Variants in RIOK3 observed in about 807,000 individuals in gnomAD.
RIOK3 encodes the protein RIO kinase 3.
Under a neutral mutation model 63.5 loss-of-function variants are expected in RIOK3, and 40 were observed. The ratio of observed to expected loss-of-function variants is 0.63; its 90% CI spans 0.49 to 0.82. RIOK3 has a LOEUF of 0.82. Among genes scored for constraint, RIOK3 ranks in the 40% least tolerant of loss-of-function variants. The pLI, the probability that RIOK3 is intolerant of heterozygous loss-of-function variation, is 0.00. For missense variants in RIOK3, 557 were observed against 637.0 expected, an observed-to-expected ratio of 0.87 and a Z score of 1.35; for synonymous variants, 193 against 205.0, an observed-to-expected ratio of 0.94 and a Z score of 0.50.
intron 1 of RIOK3, among the ~76,000 whole-genome samples, chr18:23,458,379 A>G (rs1454479161): frequency 6.6e-6 from 1 of 152,152 alleles, no homozygotes; most frequent in Non-Finnish European, 1.5e-5. Context: ...GAAGAACCCC[A>G]AGGAACAGAG....
intron 9 of RIOK3, 119 bp from the exon 10 acceptor site, chr18:23,476,886 TG>T: frequency 1.4e-6 from 1 of 735,308 alleles, no homozygotes; most frequent in Non-Finnish European, 2.2e-6. Flanking sequence ...CACTCCAGCC[TG>T]GGCGACAGAG....
chr18:23,468,316 T>C (rs1178288101), intron 7 of RIOK3, among the ~76,000 whole-genome samples: 2 of 147,090 alleles, frequency 1.4e-5, no homozygotes, highest in Non-Finnish European at 3.0e-5. Flanking sequence ...TTTTTTTTTT[T>C]TGGGAGATGG....
chr18:23,479,702 G>A (rs2057518642), intron 12 of RIOK3, among the ~76,000 whole-genome samples: 1 of 151,772 alleles, frequency 6.6e-6, no homozygotes, highest in South Asian at 2.1e-4. Flanking sequence ...TCAGCCTCCT[G>A]AGTAGCTGGG....
chr18:23,473,477 C>A lies in RIOK3; in HGVS notation c.864C>A (p.Ala288=). The A allele has an allele frequency of 6.2e-7, 1 of 1,611,704 alleles. No individual in the cohort carries two copies. Among genetic ancestry groups the A allele is most frequent in the South Asian group, 1.1e-5 (1 of 90,904 alleles). ...EDSKVIPTEC[A]IKVFKTTLNE... is the part of the protein sequence containing the mutation. ...GTAAAGTTATACCTACAGAATGTGCCATCAAGGTATTTAAAACAACCCTTA... is the reference window on the plus strand; with the variant it reads ...GTAAAGTTATACCTACAGAATGTGCAATCAAGGTATTTAAAACAACCCTTA... The change falls in exon 8 of 13, where the codon GCC becomes GCA. Residue 288 remains alanine, a synonymous_variant. Transcript: ENST00000339486.
intron 7 of RIOK3, among the ~76,000 whole-genome samples, chr18:23,471,061 A>G (rs1049249838): frequency 1.3e-5 from 2 of 152,248 alleles, no homozygotes; most frequent in Non-Finnish European, 2.9e-5. Flanking sequence ...TACTAGGGAT[A>G]CAGCAATGAA....
intron 6 of RIOK3, among the ~76,000 whole-genome samples, chr18:23,466,689 TAAAAAAAAAAA>T (rs33997769): frequency 8.7e-5 from 9 of 102,916 alleles, no homozygotes; most frequent in African/African-American, 2.6e-4. Context: ...GACCCTGCCT[TAAAAAAAAAAA>T]AAAAAAAAAA....
chr18:23,473,856 T>A lies in RIOK3; in HGVS notation c.1013+230T>A, dbSNP rs373769500. Among the ~76,000 whole-genome samples, 36 of 152,360 alleles carry A rather than the reference T, an allele frequency of 2.4e-4. No homozygotes were observed. In the South Asian group the frequency reaches 4.8e-3, roughly 20 times the overall value. Reference sequence around the variant, plus strand: ...TTAGACACTTTATCATATATCTAAATGCCATTTTTAAATTGCTTTTATCAC... The same window carrying A: ...TTAGACACTTTATCATATATCTAAAAGCCATTTTTAAATTGCTTTTATCAC... On this transcript the variant is annotated intron_variant, in intron 8 of 12. Coordinates refer to ENST00000339486, the MANE Select transcript of RIOK3 (RefSeq NM_003831.5).
intron 1 of RIOK3, among the ~76,000 whole-genome samples, chr18:23,455,568 T>A (rs1160020820): frequency 1.3e-5 from 2 of 151,656 alleles, no homozygotes; most frequent in African/African-American, 4.8e-5. Flanking sequence ...ATTTTTTGTA[T>A]TTTTAGTAGA....
intron 7 of RIOK3, among the ~76,000 whole-genome samples, chr18:23,473,141 A>G (rs892238734): frequency 6.6e-6 from 1 of 152,212 alleles, no homozygotes; most frequent in Admixed American, 6.5e-5. Context: ...TTTCAAGTGC[A>G]TATGTCTTCA....
chr18:23,471,745 T>C (rs1473513968), intron 7 of RIOK3, among the ~76,000 whole-genome samples: 1 of 152,058 alleles, frequency 6.6e-6, no homozygotes, highest in East Asian at 1.9e-4. Flanking sequence ...GAGGATAGAT[T>C]CTGGGCTAGA....
chr18:23,455,343 G>T (rs913428197), intron 1 of RIOK3, among the ~76,000 whole-genome samples: 3 of 151,298 alleles, frequency 2.0e-5, no homozygotes, highest in African/African-American at 7.3e-5. Context: ...ACACTGCTGG[G>T]ATTACAGGCG....
intron 1 of RIOK3, among the ~76,000 whole-genome samples, chr18:23,462,432 C>T (rs975547800): frequency 3.9e-5 from 6 of 152,184 alleles, no homozygotes; most frequent in Non-Finnish European, 1.5e-5. Flanking sequence ...CGCGCCACCG[C>T]GCCTGGCCTG....
intron 1 of RIOK3, 133 bp downstream of exon 1, chr18:23,453,635 C>T: frequency 1.3e-6 from 1 of 772,820 alleles, no homozygotes; most frequent in Non-Finnish European, 2.2e-6. Flanking sequence ...GGCAAGGGGG[C>T]ACTGGCCGCG....
chr18:23,470,640 G>T (rs565344278), intron 7 of RIOK3, among the ~76,000 whole-genome samples: 3 of 152,288 alleles, frequency 2.0e-5, no homozygotes, highest in African/African-American at 7.2e-5. Flanking sequence ...AAGGGTGGGA[G>T]AGTTGAAGTT....
At chr18:23,475,241 G>T in intron 9 of RIOK3, 134 bp downstream of exon 9, 1 of 642,558 alleles carries the variant, frequency 1.6e-6, no homozygotes. Context: ...GGCTCAGGCA[G>T]TAGGATCACT....
At chr18:23,464,808 CAG>C (rs1598807016) in intron 5 of RIOK3, among the ~76,000 whole-genome samples, 180 bp downstream of exon 5, 1 of 152,108 alleles carries the variant, frequency 6.6e-6, no homozygotes, top group African/African-American at 2.4e-5. Context: ...TAAAGTACCT[CAG>C]AATAAAATTC....
rs2057545948 is a variant in RIOK3, at chr18:23,483,102, T to A, written c.*1823T>A. 6.6e-6 allele frequency: 1 copy of A among 152,332 alleles called. No homozygotes were observed. The highest frequency in any genetic ancestry group is 2.1e-4 in the South Asian group (1 of 4,828). 9.4% of individuals were successfully genotyped at this position (152,332 alleles called of 1,614,324 possible). A position where few individuals can be genotyped will look rare whatever the true frequency, so the allele number is the denominator to read the frequency against. ...GCATTCTTGGAGTGTGCTGTGAATG[T>A]GCTTTTTAAGAAATTAAAAAGAGAT... is the stretch of plus-strand genomic sequence containing the variant. On this transcript the variant is annotated 3_prime_UTR_variant, in exon 13 of 13. Transcript: ENST00000339486.
chr18:23,464,923 G>A (rs142859667), intron 5 of RIOK3, among the ~76,000 whole-genome samples: 1 of 152,090 alleles, frequency 6.6e-6, no homozygotes, highest in African/African-American at 2.4e-5. Flanking sequence ...CTATAAAATA[G>A]CATCCCTACC....
At chr18:23,474,800 G>A (rs1352819064) in intron 8 of RIOK3, 148 bp from the exon 9 acceptor site, 2 of 603,482 alleles carry the variant, frequency 3.3e-6, no homozygotes, top group East Asian at 5.6e-5. Flanking sequence ...ATGGGCAGAG[G>A]CTGTGTTTTA....
Sources: gnomAD v4.1 joint callset for allele counts (sites outside exome capture counted in the v4.1 genomes callset) on GRCh38, gnomAD v4.1.1 for gene constraint, MANE v1.5 for transcripts, NCBI Gene and HGNC (gene_info 2026-07-23, HGNC 2026-07-21) for gene names.